TCAIM: variants seen among roughly 807,000 people sequenced by gnomAD.
TCAIM encodes T-cell activation inhibitor, mitochondrial.
TCAIM carries 36 observed loss-of-function variants against 58.6 expected under a neutral mutation model. That is an observed-to-expected ratio of 0.61 (90% CI 0.47 to 0.81). The LOEUF (loss-of-function observed/expected upper bound fraction) is 0.81, where lower values mean the gene tolerates loss of function less well. Among genes scored for constraint, TCAIM ranks in the 30% least tolerant of loss-of-function variants. The pLI is 0.00. For synonymous variants in TCAIM, 172 were observed against 193.6 expected, an observed-to-expected ratio of 0.89 and a Z score of 0.93; for missense variants, 466 against 579.6, an observed-to-expected ratio of 0.80 and a Z score of 2.01.
intron 10 of TCAIM, among the ~76,000 whole-genome samples, chr3:44,405,408 C>T (rs1702084219): frequency 6.6e-6 from 1 of 152,284 alleles, no homozygotes; most frequent in African/African-American, 2.4e-5. Flanking sequence ...CATGGTGGCT[C>T]ACAGTTATAA....
At chr3:44,364,637 G>C (rs570071028) in intron 4 of TCAIM, among the ~76,000 whole-genome samples, 8 of 151,596 alleles carry the variant, frequency 5.3e-5, no homozygotes, top group Non-Finnish European at 1.2e-4. Context: ...CGCTACTCGA[G>C]AGCCTAAGGT....
intron 1 of TCAIM, among the ~76,000 whole-genome samples, 196 bp downstream of exon 1, chr3:44,339,030 G>A (rs963104204): frequency 4.6e-5 from 7 of 152,258 alleles, no homozygotes; most frequent in Admixed American, 6.5e-5. Flanking sequence ...AGACGATTTA[G>A]GTTTTATTGT....
At chr3:44,340,814 T>TG (rs1409395108) in intron 1 of TCAIM, 5 of 152,166 alleles carry the variant, frequency 3.3e-5, no homozygotes, top group Non-Finnish European at 7.3e-5. Flanking sequence ...CGGATGCTGT[T>TG]GCTGCTTTGA....
chr3:44,399,886 G>A (rs1701995447), intron 8 of TCAIM, among the ~76,000 whole-genome samples: 2 of 152,152 alleles, frequency 1.3e-5, no homozygotes, highest in Non-Finnish European at 2.9e-5. Flanking sequence ...CACTTGAAGT[G>A]TCCAGCTCAG....
At chr3:44,345,012 C>T (rs1472475236) in intron 1 of TCAIM, among the ~76,000 whole-genome samples, 2 of 152,070 alleles carry the variant, frequency 1.3e-5, no homozygotes, top group Non-Finnish European at 2.9e-5. Flanking sequence ...CAGGCTTGGG[C>T]TCAGAGGCCT....
chr3:44,373,540 G>A (rs1701514730), intron 5 of TCAIM, among the ~76,000 whole-genome samples: 1 of 151,664 alleles, frequency 6.6e-6, no homozygotes, highest in Non-Finnish European at 1.5e-5. Context: ...TGTAGTCCCA[G>A]CTACTTGGGT....
Position 44,396,381 on chromosome 3 carries a change from G to A in TCAIM, c.696-19G>A, listed in dbSNP as rs753610755. On this transcript the variant is annotated intron_variant, in intron 6 of 10. Coordinates refer to ENST00000342649, the MANE Select transcript of TCAIM (RefSeq NM_173826.4). ...CAGGGTGCCACTTGTTAACATGAGT[G>A]TGTGCTCTGTTGGCCTAGGTGGCAG... is the stretch of plus-strand genomic sequence containing the variant. 3.1e-6 allele frequency: 5 copies of A among 1,606,968 alleles called. No individual in the cohort carries two copies. The African/African-American group carries it at 5.4e-5, about 17-fold the overall frequency.
At chr3:44,374,286 C>CTTTTTTTTT (rs753252645) in intron 5 of TCAIM, among the ~76,000 whole-genome samples, 1 of 119,866 alleles carries the variant, frequency 8.3e-6, no homozygotes, top group African/African-American at 3.1e-5. Context: ...GCTTTGCTTT[C>CTTTTTTTTT]TTTTTTTTTT....
chr3:44,367,383 T>G, intron 4 of TCAIM, 73 bp from the exon 5 acceptor site: 1 of 1,487,006 alleles, frequency 6.7e-7, no homozygotes, highest in Non-Finnish European at 9.0e-7. Context: ...TTTAAAAGAT[T>G]TTGATTTTAT....
chr3:44,376,178 A>G (rs1701562598), intron 5 of TCAIM, among the ~76,000 whole-genome samples: 3 of 152,230 alleles, frequency 2.0e-5, no homozygotes, highest in South Asian at 2.1e-4. Flanking sequence ...GAGCAGGACT[A>G]TTAATGGGTA....
At chr3:44,379,198 AAATT>A (rs1443824159) in intron 5 of TCAIM, among the ~76,000 whole-genome samples, 6 of 151,894 alleles carry the variant, frequency 4.0e-5, no homozygotes, top group Non-Finnish European at 5.9e-5. Flanking sequence ...AAAAAAAAAA[AAATT>A]AATTAATAAA....
chr3:44,391,962 C>T (rs1243870514), intron 5 of TCAIM, among the ~76,000 whole-genome samples: 1 of 152,152 alleles, frequency 6.6e-6, no homozygotes, highest in Non-Finnish European at 1.5e-5. Flanking sequence ...AATATTTGCT[C>T]ACTTGCTCCA....
rs1005271663 is a variant in TCAIM at position 44,394,108 on chromosome 3, G to T, written c.695+1131G>T. Among the ~76,000 whole-genome samples, 35 of 147,822 alleles carry T rather than the reference G, an allele frequency of 2.4e-4. 1 individual carries two copies. Among genetic ancestry groups the T allele is most frequent in the African/African-American group, 8.8e-4 (35 of 39,982 alleles). ...TGTTGTTTTCAATTCTCATTATTAG[G>T]ACTTTTTTTTCTTATATTAAAACAA... On this transcript the variant is annotated intron_variant, in intron 6 of 10. Transcript: ENST00000342649.
chr3:44,400,610 T>TAAAAG, intron 9 of TCAIM, 23 bp downstream of exon 9: 1 of 1,566,778 alleles, frequency 6.4e-7, no homozygotes. Context: ...GATAGAAGGA[T>TAAAAG]TACTTTTATT....
intron 2 of TCAIM, among the ~76,000 whole-genome samples, chr3:44,357,028 G>A (rs563741695): frequency 1.4e-3 from 218 of 151,386 alleles, no homozygotes; most frequent in African/African-American, 4.6e-3. Context: ...TATAATTTTA[G>A]CATGCTAATA....
chr3:44,400,374 G>A lies in TCAIM; in HGVS notation c.905G>A (p.Ser302Asn). 1 of 1,613,352 alleles carries A rather than the reference G, an allele frequency of 6.2e-7. No individual in the cohort carries two copies. Among genetic ancestry groups the A allele is most frequent in the Non-Finnish European group, 8.5e-7 (1 of 1,179,770 alleles). The change falls in exon 9 of 11, where the codon AGT becomes AAT. Residue 302 changes from serine (S) to asparagine (N), a missense_variant. Transcript: ENST00000342649. ...CTGTAGCTTTTTGAAAGATTGCCAA[G>A]TTATTTTGACCTTCAGAGGAGGCTG... Reference protein sequence around the residue: ...HWTKLFERLPSYFDLQRRLMI... With the variant: ...HWTKLFERLPNYFDLQRRLMI...
At chr3:44,386,320 A>T (rs1044534083) in intron 5 of TCAIM, among the ~76,000 whole-genome samples, 2 of 152,058 alleles carry the variant, frequency 1.3e-5, no homozygotes, top group Admixed American at 6.5e-5. Context: ...TCAAAGTTAC[A>T]GTGAGCTATT....
intron 8 of TCAIM, among the ~76,000 whole-genome samples, chr3:44,397,996 T>G (rs1701960818): frequency 6.8e-6 from 1 of 148,028 alleles, no homozygotes; most frequent in South Asian, 2.1e-4. Context: ...AAAAGGGCAA[T>G]CTAAAACTCT....
intron 1 of TCAIM, 78 bp from the exon 2 acceptor site, chr3:44,354,661 G>A: frequency 7.7e-6 from 7 of 912,470 alleles, no homozygotes; most frequent in Non-Finnish European, 1.2e-5. Flanking sequence ...TCATATTTTG[G>A]GGTGATAATA....
Sources: allele counts gnomAD v4.1 joint callset (sites outside exome capture counted in the v4.1 genomes callset), GRCh38; gene constraint gnomAD v4.1.1; transcripts MANE v1.5; gene names NCBI Gene and HGNC (gene_info 2026-07-23, HGNC 2026-07-21).